PLCG2: variants seen among roughly 807,000 people sequenced by gnomAD.
PLCG2 encodes the protein 1-phosphatidylinositol 4,5-bisphosphate phosphodiesterase gamma-2.
PLCG2 carries 69 observed loss-of-function variants against 175.6 expected under a neutral mutation model. The observed-to-expected ratio is 0.39, with a 90% CI of 0.32 to 0.48. The LOEUF is 0.48. Among genes scored for constraint, PLCG2 ranks in the 20% least tolerant of loss-of-function variants. The pLI is 0.91. For missense variants in PLCG2, 1,798 were observed against 1,650.9 expected, an observed-to-expected ratio of 1.09 and a Z score of -1.54; for synonymous variants, 827 against 624.0, an observed-to-expected ratio of 1.33 and a Z score of -4.85.
intron 24 of PLCG2, among the ~76,000 whole-genome samples, chr16:81,929,018 C>T (rs1910392898): frequency 2.6e-5 from 4 of 152,332 alleles, no homozygotes; most frequent in African/African-American, 7.2e-5. Flanking sequence ...GCCTCTCTGT[C>T]GCTGTGAGAC....
At chr16:81,814,671 G>C (rs190765464) in intron 2 of PLCG2, among the ~76,000 whole-genome samples, 2 of 152,090 alleles carry the variant, frequency 1.3e-5, no homozygotes, top group Admixed American at 1.3e-4. Flanking sequence ...CTCCAGCCTG[G>C]GCAACAGTAC....
chr16:81,907,616 G>C (rs1387846392), intron 15 of PLCG2, 69 bp from the exon 16 acceptor site: 1 of 1,096,192 alleles, frequency 9.1e-7, no homozygotes, highest in African/African-American at 1.5e-5. Context: ...ACGCCCTGCA[G>C]GGCTCCTGGG....
intron 7 of PLCG2, among the ~76,000 whole-genome samples, chr16:81,872,979 G>A (rs559304575): frequency 2.0e-5 from 3 of 152,354 alleles, no homozygotes. Context: ...GGATGTATCT[G>A]AGTTAGAGAA....
intron 14 of PLCG2, among the ~76,000 whole-genome samples, chr16:81,903,136 G>A (rs1165135059): frequency 1.3e-5 from 2 of 152,182 alleles, no homozygotes; most frequent in African/African-American, 2.4e-5. Flanking sequence ...AATTTTGGGA[G>A]GACACAGACA....
intron 2 of PLCG2, among the ~76,000 whole-genome samples, chr16:81,799,994 G>A (rs4274430): frequency 0.44 from 66,845 of 152,044 alleles, 15,013 homozygotes; most frequent in East Asian, 0.71. Flanking sequence ...CCTGGGTTCA[G>A]ATCTTGGCTA....
intron 1 of PLCG2, among the ~76,000 whole-genome samples, chr16:81,781,435 T>C (rs1910727798): frequency 6.6e-6 from 1 of 152,182 alleles, no homozygotes; most frequent in Admixed American, 6.5e-5. Flanking sequence ...TTTTTTGTAT[T>C]TCTATTGCAA....
At chr16:81,943,426 G>T (rs1292721832) in intron 30 of PLCG2, among the ~76,000 whole-genome samples, 2 of 152,124 alleles carry the variant, frequency 1.3e-5, no homozygotes, top group African/African-American at 4.8e-5. Flanking sequence ...CCCATCTCGT[G>T]AGAACTCACT....
chr16:81,952,979 G>C (rs1474368301), intron 31 of PLCG2, among the ~76,000 whole-genome samples: 2 of 152,190 alleles, frequency 1.3e-5, no homozygotes, highest in African/African-American at 4.8e-5. Context: ...CTGGAATAAG[G>C]CAGGTTGAAA....
intron 7 of PLCG2, among the ~76,000 whole-genome samples, chr16:81,875,257 C>T (rs1424682275): frequency 6.6e-6 from 1 of 152,102 alleles, no homozygotes; most frequent in Non-Finnish European, 1.5e-5. Context: ...AGCCATCATG[C>T]CCAACCTGCT....
chr16:81,876,019 T>TTTC (rs1907767555), intron 7 of PLCG2, among the ~76,000 whole-genome samples: 1 of 98,660 alleles, frequency 1.0e-5, no homozygotes, highest in African/African-American at 4.1e-5. Flanking sequence ...TTTCTTTCTT[T>TTTC]TTTTTTTTTT....
chr16:81,938,671 C>T (rs891569395), intron 28 of PLCG2, 130 bp from the exon 29 acceptor site: 4 of 614,352 alleles, frequency 6.5e-6, no homozygotes, highest in Non-Finnish European at 8.7e-6. Flanking sequence ...CCGGCTTTTC[C>T]AGTGAATCTA....
chr16:81,838,908 AC>A (rs1159516753), intron 2 of PLCG2, among the ~76,000 whole-genome samples: 1 of 151,786 alleles, frequency 6.6e-6, no homozygotes, highest in African/African-American at 2.4e-5. Context: ...GGTCCCGGTG[AC>A]CCAGTCCTCT....
intron 2 of PLCG2, among the ~76,000 whole-genome samples, chr16:81,797,352 C>G (rs1028345552): frequency 1.3e-5 from 2 of 152,092 alleles, no homozygotes; most frequent in Non-Finnish European, 2.9e-5. Flanking sequence ...TTTTGTATAT[C>G]AGGCTCGCAA....
chr16:81,916,964 T>C (rs1909870280), intron 19 of PLCG2, among the ~76,000 whole-genome samples: 1 of 152,186 alleles, frequency 6.6e-6, no homozygotes, highest in African/African-American at 2.4e-5. Context: ...CTATAGTCCC[T>C]ATGCTGTACC....
chr16:81,753,366 T>C lies in PLCG2; in HGVS notation c.-144-2504T>C, dbSNP rs1327343081. Reference sequence around the variant, plus strand: ...GGTTTTTTTTTTTTTTTTTTTTTTTTGTATTCTGGTTAAATATGTATAATA... The same window carrying C: ...GGTTTTTTTTTTTTTTTTTTTTTTTCGTATTCTGGTTAAATATGTATAATA... On this transcript the variant is annotated intron_variant, in intron 1 of 5. Coordinates refer to the PLCG2 transcript ENST00000565054. Among the ~76,000 whole-genome samples the C allele has an allele frequency of 5.2e-5, 6 of 115,852 alleles. No individual in the cohort carries two copies. In the Admixed American group the frequency reaches 5.7e-4, roughly 11 times the overall value. The allele number at this position is 115,852 out of a possible 152,430, so 76.0% of individuals were successfully genotyped here. A position where few individuals can be genotyped will look rare whatever the true frequency, so the allele number is the denominator to read the frequency against.
At chr16:81,746,966 A>C (rs1456460403) in intron 1 of PLCG2, among the ~76,000 whole-genome samples, 1 of 152,204 alleles carries the variant, frequency 6.6e-6, no homozygotes, top group African/African-American at 2.4e-5. Context: ...AAACTTAAGG[A>C]AATCTTGTCA....
In PLCG2 at chr16:81,900,627, G is replaced by T. The variant is rs770867072; in HGVS notation, c.1209G>T (p.Leu403=). 16 of 1,594,712 alleles carry T rather than the reference G, an allele frequency of 1.0e-5. No individual in the cohort carries two copies. In the East Asian group the frequency reaches 3.6e-4, roughly 36 times the overall value. The change falls in exon 14 of 33, where the codon CTG becomes CTT. Residue 403 remains leucine (L), a synonymous_variant. Transcript: ENST00000564138. ...CTGCCTGCAGCTTCCCAGTGATCCTGTCCATCGAGGAGCACTGCAGCGTGG... is the reference window on the plus strand; with the variant it reads ...CTGCCTGCAGCTTCCCAGTGATCCTTTCCATCGAGGAGCACTGCAGCGTGG... The part of the protein sequence containing the change: ...AFVTSSFPVI[L]SIEEHCSVEQ...
intron 2 of PLCG2, among the ~76,000 whole-genome samples, chr16:81,812,853 A>G (rs1016414343): frequency 6.6e-6 from 1 of 152,142 alleles, no homozygotes; most frequent in Non-Finnish European, 1.5e-5. Flanking sequence ...ATTTTTGTAT[A>G]AGGTGTAAGG....
intron 21 of PLCG2, among the ~76,000 whole-genome samples, chr16:81,922,159 G>A (rs1910087055): frequency 6.6e-6 from 1 of 152,152 alleles, no homozygotes; most frequent in Non-Finnish European, 1.5e-5. Flanking sequence ...AAAGGCAAGG[G>A]TACTGCTTAG....
Sources: allele counts gnomAD v4.1 joint callset (sites outside exome capture counted in the v4.1 genomes callset), GRCh38; gene constraint gnomAD v4.1.1; transcripts MANE v1.5; gene names NCBI Gene and HGNC (gene_info 2026-07-23, HGNC 2026-07-21).